Variants in ASMT observed in about 807,000 individuals in gnomAD.
The protein encoded by ASMT is acetylserotonin N-methyltransferase.
A neutral mutation model predicts 41.3 loss-of-function variants in ASMT; 53 were observed. The observed-to-expected ratio is 1.28, with a 90% CI of 1.03 to 1.61. ASMT has a LOEUF of 1.61. Ranked by LOEUF, ASMT falls within the 40% of genes most tolerant of loss-of-function variation. The probability of loss-of-function intolerance (pLI) is 0.00; values close to 1 mark genes in which losing one functional copy is unlikely to be tolerated. For synonymous variants in ASMT, 231 were observed against 184.8 expected, an observed-to-expected ratio of 1.25 and a Z score of -2.03; for missense variants, 531 against 441.3, an observed-to-expected ratio of 1.20 and a Z score of -1.82.
chrX:1,636,249 G>T (rs1183994157), intron 7 of ASMT, 189 bp from the exon 8 acceptor site: 3 of 852,834 alleles, frequency 3.5e-6, no homozygotes, highest in African/African-American at 3.3e-5. Flanking sequence ...GAGCCACCGC[G>T]CCCGACCTCA....
At chrX:1,628,009 C>T (rs1934621105) in intron 4 of ASMT, 2 of 604,062 alleles carry the variant, frequency 3.3e-6, no homozygotes, top group Non-Finnish European at 5.9e-6. Context: ...TACTCACAAA[C>T]TCAGTGTTTA....
At chrX:1,631,984 G>A (rs1448382403) in intron 5 of ASMT, among the ~76,000 whole-genome samples, 1 of 152,134 alleles carries the variant, frequency 6.6e-6, no homozygotes, top group Non-Finnish European at 1.5e-5. Flanking sequence ...GGGAAGTGAA[G>A]GTTGCAGTGA....
chrX:1,630,916 T>A (rs1415614769), intron 5 of ASMT, among the ~76,000 whole-genome samples: 3 of 147,208 alleles, frequency 2.0e-5, no homozygotes, highest in Non-Finnish European at 3.0e-5. Context: ...TTTATTTATT[T>A]ATTTTTTTTT....
At chrX:1,636,638 C>A in intron 8 of ASMT, 78 bp downstream of exon 8, 6 of 1,608,254 alleles carry the variant, frequency 3.7e-6, no homozygotes, top group Non-Finnish European at 5.1e-6. Flanking sequence ...AGAAGGCAGG[C>A]ACTGAAATCA....
intron 1 of ASMT, among the ~76,000 whole-genome samples, chrX:1,616,987 C>T (rs1298906996): frequency 2.6e-5 from 4 of 151,976 alleles, no homozygotes; most frequent in Non-Finnish European, 4.4e-5. Flanking sequence ...GGATTACAGG[C>T]GTGAGCCACT....
intron 1 of ASMT, among the ~76,000 whole-genome samples, chrX:1,618,105 A>C (rs1422787991): frequency 4.6e-5 from 7 of 152,120 alleles, no homozygotes; most frequent in Admixed American, 3.9e-4. Context: ...CAGCCTCCTG[A>C]GTACCTGGGA....
intron 3 of ASMT, among the ~76,000 whole-genome samples, chrX:1,625,068 G>C (rs1934478692): frequency 6.6e-6 from 1 of 151,998 alleles, no homozygotes; most frequent in Non-Finnish European, 1.5e-5. Context: ...GAGGTGAAAG[G>C]GAAGGTTTCT....
intron 8 of ASMT, among the ~76,000 whole-genome samples, chrX:1,642,594 A>G (rs867946888): frequency 1.4e-3 from 155 of 113,586 alleles, no homozygotes; most frequent in Middle Eastern, 7.4e-3. Flanking sequence ...CACAGCCTCT[A>G]TGTGTGTGAT....
chrX:1,616,176 C>T (rs1297098405), intron 1 of ASMT, among the ~76,000 whole-genome samples: 1 of 140,434 alleles, frequency 7.1e-6, no homozygotes, highest in Non-Finnish European at 1.5e-5. Flanking sequence ...TTACAGGCAC[C>T]CACCACCACG....
intron 1 of ASMT, among the ~76,000 whole-genome samples, chrX:1,617,551 C>T (rs1276980664): frequency 1.3e-5 from 2 of 151,926 alleles, no homozygotes; most frequent in Non-Finnish European, 2.9e-5. Flanking sequence ...CAGCAGCTCT[C>T]GTGTGACTTG....
chrX:1,616,866 G>A (rs368532947), intron 1 of ASMT, among the ~76,000 whole-genome samples: 1,517 of 151,502 alleles, frequency 0.01, 37 homozygotes, highest in Non-Finnish European at 0.016. Flanking sequence ...CCGCCACCAC[G>A]CCCGGCTAAT....
intron 1 of ASMT, among the ~76,000 whole-genome samples, chrX:1,615,783 C>T (rs1934070686): frequency 6.6e-6 from 1 of 150,554 alleles, no homozygotes; most frequent in Admixed American, 6.6e-5. Flanking sequence ...GCCTGGGGGA[C>T]ACAGCAAGAC....
chrX:1,619,953 C>T (rs1470920390), intron 1 of ASMT, among the ~76,000 whole-genome samples: 2 of 150,658 alleles, frequency 1.3e-5, no homozygotes, highest in Non-Finnish European at 3.0e-5. Context: ...ATTAGCCGGG[C>T]GTGGTGGTGG....
intron 7 of ASMT, among the ~76,000 whole-genome samples, chrX:1,634,655 C>CT (rs368963421): frequency 2.0e-5 from 3 of 149,380 alleles, no homozygotes; most frequent in East Asian, 2.0e-4. Context: ...CTGAGTTAAC[C>CT]CCCCCCCTTT....
At chrX:1,625,954 CAA>C (rs1310481163) in intron 3 of ASMT, among the ~76,000 whole-genome samples, 22,971 of 98,664 alleles carry the variant, frequency 0.23, 1,800 homozygotes, top group Middle Eastern at 0.35. Context: ...GACTCCATCT[CAA>C]AAAAAAAAAA....
chrX:1,616,260 C>T (rs1934104820), intron 1 of ASMT, among the ~76,000 whole-genome samples: 1 of 151,416 alleles, frequency 6.6e-6, no homozygotes, highest in Non-Finnish European at 1.5e-5. Flanking sequence ...AACTCCTGAC[C>T]TCAAGTGATT....
intron 3 of ASMT, among the ~76,000 whole-genome samples, chrX:1,626,480 C>T (rs1404549940): frequency 1.1e-4 from 16 of 152,068 alleles, no homozygotes; most frequent in Non-Finnish European, 1.9e-4. Flanking sequence ...TATCTGCCCC[C>T]GTCTTGGCCT....
At chrX:1,641,507 G>C (rs749578611) in intron 8 of ASMT, among the ~76,000 whole-genome samples, 1 of 149,524 alleles carries the variant, frequency 6.7e-6, no homozygotes, top group African/African-American at 2.4e-5. Context: ...ATGGGGACGT[G>C]AGCACAGCCT....
At chrX:1,627,815 G>A (rs775000276) in intron 4 of ASMT, 44 bp downstream of exon 4, 31 of 1,578,848 alleles carry the variant, frequency 2.0e-5, no homozygotes, top group Non-Finnish European at 2.7e-5. Context: ...ATAAGATTCT[G>A]TTTATTTTTA....
Sources: gnomAD v4.1 joint callset for allele counts (sites outside exome capture counted in the v4.1 genomes callset) on GRCh38, gnomAD v4.1.1 for gene constraint, MANE v1.5 for transcripts, NCBI Gene and HGNC (gene_info 2026-07-23, HGNC 2026-07-21) for gene names.